Variants in AOAH observed in about 807,000 individuals in gnomAD.
AOAH encodes acyloxyacyl hydrolase.
In AOAH, 64 loss-of-function variants were observed where a neutral mutation model predicts 92.2. The ratio of observed to expected loss-of-function variants is 0.69; its 90% confidence interval spans 0.57 to 0.86. The LOEUF (loss-of-function observed/expected upper bound fraction) is 0.86, where lower values mean the gene tolerates loss of function less well. Among genes scored for constraint, AOAH ranks in the 40% least tolerant of loss-of-function variants. The probability of loss-of-function intolerance (pLI) is 0.00; values close to 1 mark genes in which losing one functional copy is unlikely to be tolerated. For missense variants in AOAH, 656 were observed against 694.6 expected (o/e 0.94, Z 0.62); for synonymous variants, 263 against 254.5 (o/e 1.03, Z -0.32).
At chr7:36,626,485 C>A (rs752290708) in intron 6 of AOAH, among the ~76,000 whole-genome samples, 16 of 152,208 alleles carry the variant, frequency 1.1e-4, no homozygotes, top group Non-Finnish European at 2.1e-4. Context: ...GCATAAATTG[C>A]AACTTGTGTA....
chr7:36,522,080 AG>A lies in AOAH; in HGVS notation c.1557del (p.Trp520GlyfsTer130). ...CCATCCACGGGCTCGATGAGCTGCC[AG>A]GGCTGTCCGCCTCTCTTCTGCCACT... Reference protein sequence around the residue: ...IQEWQKRGGQPWQLIEPVDGF... With the variant: ...IQEWQKRGGQXWQLIEPVDGF... On this transcript the variant is annotated frameshift_variant, in exon 20 of 21. Coordinates refer to ENST00000617537, the MANE Select transcript of AOAH (RefSeq NM_001637.4). LOFTEE classifies it high-confidence loss of function. 6.2e-7 allele frequency: 1 copy of A among 1,614,230 alleles called. No individual in the cohort carries two copies. Among genetic ancestry groups the A allele is most frequent in the Non-Finnish European group, 8.5e-7 (1 of 1,180,034 alleles).
intron 13 of AOAH, among the ~76,000 whole-genome samples, chr7:36,567,725 AGTG>A (rs1471247845): frequency 6.6e-6 from 1 of 152,132 alleles, no homozygotes; most frequent in African/African-American, 2.4e-5. Context: ...AGGCCCGAAT[AGTG>A]GTGTTTTTGT....
At chr7:36,558,371 C>T (rs1013847348) in intron 13 of AOAH, among the ~76,000 whole-genome samples, 8 of 152,108 alleles carry the variant, frequency 5.3e-5, no homozygotes, top group African/African-American at 1.4e-4. Context: ...AGTACCCGGC[C>T]GTGTGAGGTG....
chr7:36,514,292 G>A (rs1319230089), intron 20 of AOAH, among the ~76,000 whole-genome samples: 1 of 148,696 alleles, frequency 6.7e-6, no homozygotes, highest in Non-Finnish European at 1.5e-5. Context: ...CTGTGGGAGA[G>A]AATGGCATGT....
intron 19 of AOAH, among the ~76,000 whole-genome samples, chr7:36,528,281 C>T (rs966268532): frequency 1.3e-5 from 2 of 152,226 alleles, no homozygotes; most frequent in Admixed American, 1.3e-4. Flanking sequence ...TAGGAGCTTT[C>T]TCCCACGTTG....
chr7:36,593,568 C>T (rs770059854), intron 12 of AOAH, among the ~76,000 whole-genome samples: 2 of 152,172 alleles, frequency 1.3e-5, no homozygotes, highest in South Asian at 2.1e-4. Flanking sequence ...AAAGCTCTAC[C>T]CTTTCTTCTT....
intron 15 of AOAH, among the ~76,000 whole-genome samples, chr7:36,548,392 G>A (rs982218361): frequency 6.6e-6 from 1 of 152,104 alleles, no homozygotes; most frequent in African/African-American, 2.4e-5. Context: ...CACCATGTTG[G>A]CCAGGCTGGT....
chr7:36,656,460 T>C (rs1794899180), intron 4 of AOAH, among the ~76,000 whole-genome samples: 1 of 151,964 alleles, frequency 6.6e-6, no homozygotes, highest in Admixed American at 6.6e-5. Flanking sequence ...CACCCGCCCT[T>C]AGTAGGTAAT....
intron 12 of AOAH, among the ~76,000 whole-genome samples, chr7:36,591,858 C>T (rs371638001): frequency 1.7e-4 from 26 of 152,168 alleles, no homozygotes; most frequent in Non-Finnish European, 2.6e-4. Flanking sequence ...CTGGTGTGTG[C>T]GAGCTGTAAG....
At chr7:36,573,759 A>G (rs529915186) in intron 13 of AOAH, among the ~76,000 whole-genome samples, 2 of 152,286 alleles carry the variant, frequency 1.3e-5, no homozygotes, top group African/African-American at 4.8e-5. Context: ...ACTGGGGTTC[A>G]TGACAGAGTT....
intron 1 of AOAH, among the ~76,000 whole-genome samples, chr7:36,693,628 C>T (rs1173797122): frequency 6.6e-6 from 1 of 152,018 alleles, no homozygotes; most frequent in Non-Finnish European, 1.5e-5. Flanking sequence ...TCCTGTGATA[C>T]TTCAAGTTTG....
At chr7:36,547,760 A>C (rs1428105655) in intron 15 of AOAH, among the ~76,000 whole-genome samples, 1 of 152,168 alleles carries the variant, frequency 6.6e-6, no homozygotes, top group Non-Finnish European at 1.5e-5. Flanking sequence ...ACCTCCCCAA[A>C]TGTTATATAG....
At chr7:36,626,437 A>T (rs1792671350) in intron 6 of AOAH, among the ~76,000 whole-genome samples, 1 of 152,250 alleles carries the variant, frequency 6.6e-6, no homozygotes, top group Non-Finnish European at 1.5e-5. Context: ...AAAGCCATGC[A>T]TTCTAGACAT....
chr7:36,641,644 G>A (rs1793929610), intron 4 of AOAH, among the ~76,000 whole-genome samples: 1 of 152,150 alleles, frequency 6.6e-6, no homozygotes, highest in South Asian at 2.1e-4. Context: ...TTCGGGCCGA[G>A]CTTTCCTTTT....
chr7:36,521,979 T>C (rs1718518515), intron 20 of AOAH, 60 bp downstream of exon 20: 1 of 1,419,276 alleles, frequency 7.0e-7, no homozygotes, highest in Non-Finnish European at 1.0e-6. Flanking sequence ...TGTGTAACCA[T>C]AATTAAAAAC....
At chr7:36,717,460 A>AAC (rs1206518507) in intron 1 of AOAH, among the ~76,000 whole-genome samples, 2 of 149,170 alleles carry the variant, frequency 1.3e-5, no homozygotes, top group Non-Finnish European at 3.0e-5. Context: ...CCAGAAGGTG[A>AAC]ACACACTTCT....
At chr7:36,594,907 A>AT (rs1191573721) in intron 11 of AOAH, among the ~76,000 whole-genome samples, 7 of 152,124 alleles carry the variant, frequency 4.6e-5, no homozygotes, top group Non-Finnish European at 1.5e-5. Flanking sequence ...GGTCTCAGAC[A>AT]TTTTTGAGAA....
In AOAH at chr7:36,515,448, ACACACAC is replaced by A. The variant is rs1242607499; in HGVS notation, c.1600-2075_1600-2069del. ...CCCCCACACACCACACACAAACACC[ACACACAC>A]CACACACCACACCCCTCACAACCCC... On this transcript the variant is annotated intron_variant, in intron 20 of 20. Transcript: ENST00000617537. 6.1e-5 allele frequency among the ~76,000 whole-genome samples: 6 copies of A among 99,144 alleles called. No homozygotes were observed. The South Asian group carries it at 1.5e-3, about 26-fold the overall frequency. 65.0% of individuals were successfully genotyped at this position (99,144 alleles called of 152,430 possible).
intron 2 of AOAH, among the ~76,000 whole-genome samples, chr7:36,674,611 C>T (rs934633999): frequency 2.6e-5 from 4 of 152,188 alleles, no homozygotes; most frequent in African/African-American, 9.7e-5. Context: ...TTTGTGAGTT[C>T]CTCTATCCAC....
Sources: allele counts gnomAD v4.1 joint callset (sites outside exome capture counted in the v4.1 genomes callset), GRCh38; gene constraint gnomAD v4.1.1; transcripts MANE v1.5; gene names NCBI Gene and HGNC (gene_info 2026-07-23, HGNC 2026-07-21).